Variants in PPP1CC observed in about 807,000 individuals in gnomAD.
PPP1CC encodes serine/threonine-protein phosphatase PP1-gamma catalytic subunit.
Under a neutral mutation model 38.4 loss-of-function variants are expected in PPP1CC, and 16 were observed. The observed-to-expected ratio is 0.42, with a 90% confidence interval of 0.28 to 0.63. The LOEUF (loss-of-function observed/expected upper bound fraction) is 0.63. Among genes scored for constraint, PPP1CC ranks in the 30% least tolerant of loss-of-function variants. The pLI is 0.25. For synonymous variants in PPP1CC, 158 were observed against 136.0 expected (o/e 1.16, Z -1.13); for missense variants, 170 against 391.3 (o/e 0.43, Z 4.77).
Position 110,720,264 on chromosome 12 carries a change from T to C in PPP1CC, c.*812A>G. 6 of 1,415,386 alleles carry C rather than the reference T, an allele frequency of 4.2e-6. No homozygotes were observed. Among genetic ancestry groups the C allele is most frequent in the Non-Finnish European group, 5.8e-6 (6 of 1,040,456 alleles). 87.7% of individuals were successfully genotyped at this position (1,415,386 alleles called of 1,614,324 possible). Reference sequence around the variant, plus strand: ...GAAATTGTATAAAATGTTATTACCTTTTATCGTTAGTAGCTTAAACAGCAC... The same window carrying C: ...GAAATTGTATAAAATGTTATTACCTCTTATCGTTAGTAGCTTAAACAGCAC... On this transcript the variant is annotated 3_prime_UTR_variant, in exon 7 of 7. Coordinates refer to ENST00000335007, the MANE Select transcript of PPP1CC (RefSeq NM_002710.4).
At chr12:110,709,235 C>CTT in the PPP1CC span, among the ~76,000 whole-genome samples, 1 of 147,186 alleles carries the variant, frequency 6.8e-6, no homozygotes, top group South Asian at 2.1e-4. Context: ...AGAAATAAAA[C>CTT]TTTTTTTTTT....
the PPP1CC span, among the ~76,000 whole-genome samples, chr12:110,714,677 G>A: frequency 3.3e-5 from 5 of 151,084 alleles, no homozygotes; most frequent in African/African-American, 4.9e-5. Context: ...TGTGTGGCAC[G>A]CACCTGTAAT....
chr12:110,741,509 C>G (rs1329750078), intron 1 of PPP1CC, among the ~76,000 whole-genome samples: 1 of 152,210 alleles, frequency 6.6e-6, no homozygotes, highest in Non-Finnish European at 1.5e-5. Context: ...GCCCTTGAAT[C>G]TGAAAGCAGC....
rs770915706 is a variant in PPP1CC, at chr12:110,721,034, C to T, written c.*42G>A. The T allele has an allele frequency of 1.9e-6, 3 of 1,551,112 alleles. No homozygotes were observed. Among genetic ancestry groups the T allele is most frequent in the African/African-American group, 2.7e-5 (2 of 73,536 alleles). On this transcript the variant is annotated 3_prime_UTR_variant, in exon 7 of 7. Transcript: ENST00000335007. ...CAGTCTTAAAAATGAAGGTTATATA[C>T]TCTATGTTACAAGTCCCGACTAGGC...
At chr12:110,713,756 C>G in the PPP1CC span, among the ~76,000 whole-genome samples, 1 of 152,130 alleles carries the variant, frequency 6.6e-6, no homozygotes, top group Non-Finnish European at 1.5e-5. Context: ...AAAGTTCGAC[C>G]AGCATTGTCT....
chr12:110,714,944 T>G (rs1175224915), downstream of PPP1CC, among the ~76,000 whole-genome samples: 1 of 151,704 alleles, frequency 6.6e-6, no homozygotes, highest in African/African-American at 2.4e-5. Context: ...GGTAAAAATC[T>G]TCTGCCAACC....
intron 1 of PPP1CC, chr12:110,732,178 C>T: frequency 2.0e-6 from 1 of 506,744 alleles, no homozygotes; most frequent in East Asian, 3.1e-5. Context: ...GACTGCAGGC[C>T]AGATGCAATG....
intron 2 of PPP1CC, among the ~76,000 whole-genome samples, chr12:110,731,420 G>A (rs2069870802): frequency 6.6e-6 from 1 of 151,988 alleles, no homozygotes; most frequent in African/African-American, 2.4e-5. Flanking sequence ...TCAGTATCAA[G>A]GAAGTTCTAT....
chr12:110,736,421 A>G (rs183655086), intron 1 of PPP1CC, among the ~76,000 whole-genome samples: 36 of 152,196 alleles, frequency 2.4e-4, no homozygotes, highest in Non-Finnish European at 4.6e-4. Flanking sequence ...AGGTGGGAGG[A>G]TCACTTGAGC....
chr12:110,722,344 G>A lies in PPP1CC; in HGVS notation c.748-75C>T. The A allele has an allele frequency of 6.4e-7, 1 of 1,574,798 alleles. No homozygotes were observed. The highest frequency in any genetic ancestry group is 1.4e-5 in the African/African-American group (1 of 73,708). Reference sequence around the variant, plus strand: ...TAAAACCATGTTTCAGTTTCCCATTGAGCCTGATATCTTGTGTTCCAGAAA... The same window carrying A: ...TAAAACCATGTTTCAGTTTCCCATTAAGCCTGATATCTTGTGTTCCAGAAA... On this transcript the variant is annotated intron_variant, in intron 5 of 6. Transcript: ENST00000335007. The surrounding 1 kb of genome is among the most constrained non-coding windows in gnomAD (Gnocchi z 5.4).
At chr12:110,727,501 C>T (rs988207935) in intron 3 of PPP1CC, among the ~76,000 whole-genome samples, 19 of 151,822 alleles carry the variant, frequency 1.3e-4, no homozygotes, top group African/African-American at 1.7e-4. Flanking sequence ...ACCTGTAATG[C>T]GGTTTCGCAT....
chr12:110,741,416 G>C (rs565579500), intron 1 of PPP1CC, among the ~76,000 whole-genome samples: 47 of 152,294 alleles, frequency 3.1e-4, no homozygotes, highest in African/African-American at 1.1e-3. Context: ...AAACTGCCAA[G>C]TTCCCATTAT....
intron 1 of PPP1CC, among the ~76,000 whole-genome samples, chr12:110,736,671 T>C (rs1414148734): frequency 2.6e-5 from 4 of 152,088 alleles, no homozygotes; most frequent in Non-Finnish European, 5.9e-5. Context: ...AAAATAGCAT[T>C]GGTGATTATT....
intron 1 of PPP1CC, among the ~76,000 whole-genome samples, chr12:110,736,007 G>A (rs1439046540): frequency 6.6e-6 from 1 of 152,084 alleles, no homozygotes; most frequent in South Asian, 2.1e-4. Flanking sequence ...AGGTTGCAGT[G>A]AGCCCAGATC....
chr12:110,728,102 C>G (rs1176308618), intron 3 of PPP1CC, among the ~76,000 whole-genome samples: 1 of 152,126 alleles, frequency 6.6e-6, no homozygotes, highest in Non-Finnish European at 1.5e-5. Flanking sequence ...AAAAGGAATC[C>G]TTTAACTCAA....
chr12:110,736,077 A>AAACG (rs917582109), intron 1 of PPP1CC, among the ~76,000 whole-genome samples: 1 of 151,558 alleles, frequency 6.6e-6, no homozygotes, highest in African/African-American at 2.4e-5. Flanking sequence ...ACAAACAAAC[A>AAACG]AACAAACAAA....
intron 1 of PPP1CC, among the ~76,000 whole-genome samples, chr12:110,736,044 C>A (rs956702333): frequency 6.7e-6 from 1 of 150,070 alleles, no homozygotes; most frequent in African/African-American, 2.5e-5. Flanking sequence ...GCCTGGGGAA[C>A]AAGAATAAGA....
chr12:110,718,289 C>T (rs1173901178), downstream of PPP1CC, among the ~76,000 whole-genome samples: 3 of 152,118 alleles, frequency 2.0e-5, no homozygotes, highest in Non-Finnish European at 4.4e-5. Context: ...GATGATTGAG[C>T]GACTAAGGAT....
chr12:110,726,861 A>G (rs1451333089), intron 3 of PPP1CC, among the ~76,000 whole-genome samples: 1 of 152,230 alleles, frequency 6.6e-6, no homozygotes, highest in African/African-American at 2.4e-5. Context: ...AGGAATACTT[A>G]ACCTGTATTA....
Sources: allele counts gnomAD v4.1 joint callset (sites outside exome capture counted in the v4.1 genomes callset), GRCh38; gene constraint gnomAD v4.1.1; non-coding constraint Gnocchi (gnomAD v3.1); transcripts MANE v1.5; gene names NCBI Gene and HGNC (gene_info 2026-07-23, HGNC 2026-07-21).